Variants in ZNF479 observed in about 807,000 individuals in gnomAD.
ZNF479 encodes zinc finger protein 479, also known as KRAB zinc finger protein KR19.
ZNF479 carries 15 observed loss-of-function variants against 14.7 expected under a neutral mutation model. The observed-to-expected ratio is 1.02, with a 90% confidence interval of 0.68 to 1.57. ZNF479 has a LOEUF of 1.57. Ranked by LOEUF, ZNF479 falls within the 40% of genes most tolerant of loss-of-function variation. The probability of loss-of-function intolerance (pLI) is 0.00; values close to 1 mark genes in which losing one functional copy is unlikely to be tolerated. For synonymous variants in ZNF479, 145 were observed against 211.5 expected (o/e 0.69, Z 2.73); for missense variants, 506 against 615.1 (o/e 0.82, Z 1.88).
chr7:57,135,405 G>T (rs993834508), upstream of ZNF479, among the ~76,000 whole-genome samples: 74 of 151,932 alleles, frequency 4.9e-4, no homozygotes, highest in Non-Finnish European at 7.8e-4. Flanking sequence ...CTTTGTGTTT[G>T]TTTGTTTGTT....
Position 57,120,682 on chromosome 7 carries a change from C to T in ZNF479, c.733G>A (p.Glu245Lys). 6.2e-7 allele frequency: 1 copy of T among 1,613,536 alleles called. No individual in the cohort carries two copies. The highest frequency in any genetic ancestry group is 8.5e-7 in the Non-Finnish European group (1 of 1,179,762). ...GACCAGCTAAAGGCTTTGCCACATT[C>T]CTCACATCTATATGGTTTCTCTCCA... ...HTGEKPYRCE[E>K]CGKAFSWSAN... Residue 245 changes from glutamate to lysine, a missense_variant, in exon 4 of 4, where the codon GAA becomes AAA. By Grantham distance (56) the Glu-to-Lys change is moderately conservative. This residue lies in a region of ZNF479 where 420 missense variants were observed against 474.2 expected (regional missense o/e 0.89). Coordinates refer to ENST00000319636, the MANE Select transcript of ZNF479 (RefSeq NM_001370129.2).
chr7:57,125,144 TG>T (rs1417267725), intron 3 of ZNF479, among the ~76,000 whole-genome samples: 2 of 152,184 alleles, frequency 1.3e-5, no homozygotes, highest in African/African-American at 4.8e-5. Flanking sequence ...AAGAAGCATT[TG>T]AAAGGTTGCA....
Position 57,118,942 on chromosome 7 carries a change from T to TC in ZNF479, c.*897dup, listed in dbSNP as rs1298173676. 2.0e-5 allele frequency among the ~76,000 whole-genome samples: 3 copies of TC among 152,232 alleles called. No homozygotes were observed. The highest frequency in any genetic ancestry group is 2.9e-5 in the Non-Finnish European group (2 of 68,050). ...TAGAGTTTCTCACCAGTATGATTTC[T>TC]CTTTTTTAGAAAAGTTTGAGGTGTG... On this transcript the variant is annotated 3_prime_UTR_variant, in exon 4 of 4. Coordinates refer to ENST00000319636, the MANE Select transcript of ZNF479 (RefSeq NM_001370129.2).
intron 3 of ZNF479, among the ~76,000 whole-genome samples, chr7:57,121,689 G>A (rs1196315508): frequency 1.3e-5 from 2 of 152,180 alleles, no homozygotes; most frequent in Non-Finnish European, 2.9e-5. Flanking sequence ...GACAATTGGT[G>A]TCATGCTATG....
At chr7:57,126,219 T>C in intron 2 of ZNF479, 106 bp from the exon 3 acceptor site, 1 of 1,301,294 alleles carries the variant, frequency 7.7e-7, no homozygotes, top group East Asian at 2.5e-5. Context: ...AAGATTAATA[T>C]TGATTCATAA....
At chr7:57,121,648 T>A (rs1298586832) in intron 3 of ZNF479, among the ~76,000 whole-genome samples, 1 of 152,162 alleles carries the variant, frequency 6.6e-6, no homozygotes, top group East Asian at 1.9e-4. Flanking sequence ...CCTGAGAACA[T>A]GTTTGTGAGA....
chr7:57,124,456 A>G (rs1380063996), intron 3 of ZNF479, among the ~76,000 whole-genome samples: 2 of 152,224 alleles, frequency 1.3e-5, no homozygotes, highest in Non-Finnish European at 2.9e-5. Context: ...ATCACATACA[A>G]AAAATATTTT....
At chr7:57,137,463 C>A (rs1178654758) in intron 1 of ZNF479, among the ~76,000 whole-genome samples, 7 of 152,160 alleles carry the variant, frequency 4.6e-5, no homozygotes, top group Non-Finnish European at 1.0e-4. Flanking sequence ...CCACACCTGG[C>A]CCTAAAGTTG....
chr7:57,137,734 T>C (rs1786711311), intron 1 of ZNF479, among the ~76,000 whole-genome samples: 1 of 152,212 alleles, frequency 6.6e-6, no homozygotes, highest in Admixed American at 6.5e-5. Flanking sequence ...GAAATATTCT[T>C]AGGTTGAGCA....
At chr7:57,134,567 G>A (rs577288840), upstream of ZNF479, among the ~76,000 whole-genome samples, 17 of 151,888 alleles carry the variant, frequency 1.1e-4, 1 homozygote, top group South Asian at 3.3e-3. Flanking sequence ...CCACATTGCT[G>A]CTCTGCCTAG....
Position 57,119,438 on chromosome 7 carries a change from T to C in ZNF479, c.*402A>G, listed in dbSNP as rs1350391521. 6.6e-6 allele frequency among the ~76,000 whole-genome samples: 1 copy of C among 152,068 alleles called. No homozygotes were observed. Among genetic ancestry groups the C allele is most frequent in the Non-Finnish European group, 1.5e-5 (1 of 68,018 alleles). On this transcript the variant is annotated 3_prime_UTR_variant, in exon 4 of 4. Transcript: ENST00000319636. ...TCCTGGCCAACATGGTGAAACTCTATCTCTACTAAAAATACACAAATCAGC... is the reference window on the plus strand; with the variant it reads ...TCCTGGCCAACATGGTGAAACTCTACCTCTACTAAAAATACACAAATCAGC...
rs1367406566 is a variant in ZNF479, at chr7:57,118,978, C to G, written c.*862G>C. Among the ~76,000 whole-genome samples the G allele has an allele frequency of 1.3e-5, 2 of 152,164 alleles. No homozygotes were observed. The highest frequency in any genetic ancestry group is 6.5e-5 in the Admixed American group (1 of 15,276). ...AAAGTTTGAGGTGTGCTTAAATGCT[C>G]TGTCACATTTTTATGTAAGCAGAGT... On this transcript the variant is annotated 3_prime_UTR_variant, in exon 4 of 4. Coordinates refer to ENST00000319636, the MANE Select transcript of ZNF479 (RefSeq NM_001370129.2).
intron 3 of ZNF479, among the ~76,000 whole-genome samples, chr7:57,122,818 C>A (rs1246289099): frequency 1.8e-4 from 28 of 152,024 alleles, no homozygotes; most frequent in Admixed American, 1.7e-3. Flanking sequence ...AGTCCATTTA[C>A]TAGGAATCTA....
At position 57,126,736 on chromosome 7, in the gene ZNF479, A is replaced by T. The variant is rs765968986; in HGVS notation, c.40-18T>A. 9 of 1,613,834 alleles carry T rather than the reference A, an allele frequency of 5.6e-6. No homozygotes were observed. The highest frequency in any genetic ancestry group is 5.3e-5 in the African/African-American group (4 of 74,922). On this transcript the variant is annotated intron_variant, in intron 1 of 3. Coordinates refer to ENST00000319636, the MANE Select transcript of ZNF479 (RefSeq NM_001370129.2). ...AACAGTCCCTGGAAAACAAACAAAC[A>T]AAACCACTCATGAACACACAAGCAC...
At chr7:57,133,998 G>T (rs1786539662), upstream of ZNF479, among the ~76,000 whole-genome samples, 1 of 152,154 alleles carries the variant, frequency 6.6e-6, no homozygotes, top group African/African-American at 2.4e-5. Context: ...ATACATTTTT[G>T]AAGCTAAATC....
upstream of ZNF479, among the ~76,000 whole-genome samples, chr7:57,133,780 T>C (rs1786531864): frequency 2.0e-5 from 3 of 151,950 alleles, no homozygotes; most frequent in South Asian, 6.2e-4. Flanking sequence ...ACAGGAGAAT[T>C]GCTTGAACCC....
intron 3 of ZNF479, among the ~76,000 whole-genome samples, chr7:57,122,152 T>C (rs1785982753): frequency 6.6e-6 from 1 of 152,090 alleles, no homozygotes; most frequent in Admixed American, 6.6e-5. Context: ...AGCTGCAAGA[T>C]AAAAGTGAGG....
upstream of ZNF479, among the ~76,000 whole-genome samples, chr7:57,137,069 A>C (rs1786682122): frequency 6.6e-6 from 1 of 152,238 alleles, no homozygotes; most frequent in African/African-American, 2.4e-5. Flanking sequence ...GAAGTTCAAA[A>C]GTCAGAAATA....
intron 2 of ZNF479, 117 bp from the exon 3 acceptor site, chr7:57,126,230 T>A: frequency 8.4e-7 from 1 of 1,195,404 alleles, no homozygotes; most frequent in Non-Finnish European, 1.1e-6. Flanking sequence ...TGATTCATAA[T>A]AGAACTTTCT....
Sources: gnomAD v4.1 joint callset for allele counts (sites outside exome capture counted in the v4.1 genomes callset) on GRCh38, gnomAD v4.1.1 for gene constraint, gnomAD v4.1.1 regional missense constraint, MANE v1.5 for transcripts, NCBI Gene and HGNC (gene_info 2026-07-23, HGNC 2026-07-21) for gene names.